The following TRAF2 variants were observed in gnomAD, a reference collection of about 807,000 sequenced individuals.
The protein encoded by TRAF2 is TNF receptor-associated factor 2.
Under a neutral mutation model 55.6 loss-of-function variants are expected in TRAF2, and 6 were observed. That is an observed-to-expected ratio of 0.11 (90% CI 0.06 to 0.21). The LOEUF (loss-of-function observed/expected upper bound fraction) is 0.21, where lower values mean the gene tolerates loss of function less well. Among genes scored for constraint, TRAF2 ranks in the 10% least tolerant of loss-of-function variants. The probability of loss-of-function intolerance (pLI) is 1.00; values close to 1 mark genes in which losing one functional copy is unlikely to be tolerated. For synonymous variants in TRAF2, 329 were observed against 276.3 expected (o/e 1.19, Z -1.89); for missense variants, 561 against 684.5 (o/e 0.82, Z 2.01).
rs943105898 is a variant in TRAF2, at chr9:136,923,925, A to G, written c.1212A>G (p.Gly404=). The part of the protein sequence containing the change: ...IYLNGDGTGR[G]THLSLFFVVM... Reference sequence around the variant, plus strand: ...TGAACGGCGACGGCACCGGGCGAGGAACACACCTGTCCCTCTTCTTTGTGG... The same window carrying G: ...TGAACGGCGACGGCACCGGGCGAGGGACACACCTGTCCCTCTTCTTTGTGG... The change falls in exon 10 of 11, where the codon GGA becomes GGG. Residue 404 remains glycine (G), a synonymous_variant. Transcript: ENST00000247668. 1 of 1,613,984 alleles carries G rather than the reference A, an allele frequency of 6.2e-7. No homozygotes were observed. Among genetic ancestry groups the G allele is most frequent in the Non-Finnish European group, 8.5e-7 (1 of 1,179,990 alleles).
rs1226277136 is a variant in TRAF2, at chr9:136,921,029, A to G, written c.961-9A>G. ...CTGTAAGAGGGAAGGTGGTCTTGGC[A>G]CCCGGCAGGTGCAGCAGCTGGAGAG... On this transcript the variant is annotated splice_polypyrimidine_tract_variant and intron_variant, in intron 8 of 10. Coordinates refer to ENST00000247668, the MANE Select transcript of TRAF2 (RefSeq NM_021138.4). The G allele has an allele frequency of 1.2e-6, 2 of 1,613,176 alleles. No individual in the cohort carries two copies. The highest frequency in any genetic ancestry group is 1.7e-6 in the Non-Finnish European group (2 of 1,179,738).
chr9:136,917,088 C>T (rs369879584), intron 7 of TRAF2, among the ~76,000 whole-genome samples: 4 of 152,196 alleles, frequency 2.6e-5, no homozygotes, highest in African/African-American at 9.7e-5. Context: ...ACAGAGGTCT[C>T]GTCTACCCTC....
chr9:136,889,055 G>A (rs1458940589), intron 1 of TRAF2, among the ~76,000 whole-genome samples: 2 of 152,090 alleles, frequency 1.3e-5, no homozygotes, highest in Non-Finnish European at 2.9e-5. Context: ...TAATGGAGAC[G>A]GGGTTTCACC....
intron 1 of TRAF2, among the ~76,000 whole-genome samples, chr9:136,890,985 C>T (rs1176243706): frequency 1.3e-5 from 2 of 152,254 alleles, no homozygotes; most frequent in Non-Finnish European, 2.9e-5. Context: ...GATCCTCCCA[C>T]CTCAGCCTCC....
At position 136,923,754 on chromosome 9, in the gene TRAF2, A is replaced by G. The variant is rs1021262548; in HGVS notation, c.1139-98A>G. 6 of 1,227,058 alleles carry G rather than the reference A, an allele frequency of 4.9e-6. No individual in the cohort carries two copies. The South Asian group carries it at 8.4e-5, about 17-fold the overall frequency. The allele number at this position is 1,227,058 out of a possible 1,614,324, so 76.0% of individuals were successfully genotyped here. On this transcript the variant is annotated intron_variant, in intron 9 of 10. Coordinates refer to ENST00000247668, the MANE Select transcript of TRAF2 (RefSeq NM_021138.4). Reference sequence around the variant, plus strand: ...CCCCAGAACCTGAATGTTTCTTTGTAGGTGTTTTTGTCCCTGGGGGAGGGC... The same window carrying G: ...CCCCAGAACCTGAATGTTTCTTTGTGGGTGTTTTTGTCCCTGGGGGAGGGC...
At chr9:136,893,392 G>C (rs1173032712) in intron 1 of TRAF2, among the ~76,000 whole-genome samples, 1 of 152,228 alleles carries the variant, frequency 6.6e-6, no homozygotes, top group Admixed American at 6.5e-5. Context: ...GCTTTGGGGG[G>C]CAGACAGGTG....
upstream of TRAF2, among the ~76,000 whole-genome samples, chr9:136,885,722 C>T (rs1361798674): frequency 6.6e-6 from 1 of 151,840 alleles, no homozygotes; most frequent in Non-Finnish European, 1.5e-5. Flanking sequence ...GAGTCGAGAT[C>T]GCGCCACTGA....
chr9:136,907,857 G>A (rs1490115992), intron 4 of TRAF2, among the ~76,000 whole-genome samples: 1 of 151,988 alleles, frequency 6.6e-6, no homozygotes, highest in Non-Finnish European at 1.5e-5. Context: ...AGCTCAGTGT[G>A]CGGTGAAGAG....
chr9:136,908,374 A>T (rs974160890), intron 5 of TRAF2, 143 bp downstream of exon 5: 2 of 966,724 alleles, frequency 2.1e-6, no homozygotes, highest in South Asian at 1.8e-5. Context: ...ACGCGGGCGG[A>T]TGTTTCTTGG....
intron 8 of TRAF2, 96 bp from the exon 9 acceptor site, chr9:136,920,942 A>G (rs559015475): frequency 6.9e-5 from 102 of 1,474,080 alleles, no homozygotes; most frequent in Middle Eastern, 2.3e-4. Context: ...GGGGTGCCCA[A>G]GAGCACTGTC....
chr9:136,901,769 C>G (rs546621796), intron 4 of TRAF2, among the ~76,000 whole-genome samples: 1 of 152,240 alleles, frequency 6.6e-6, no homozygotes, highest in African/African-American at 2.4e-5. Context: ...CCTGCTCAGC[C>G]GGACCCTGGG....
In TRAF2 at chr9:136,898,694, G is replaced by A. The variant is rs758600187; in HGVS notation, c.-28-19G>A. On this transcript the variant is annotated intron_variant, in intron 1 of 10. Transcript: ENST00000247668. ...CTGTTCTGGAATTGAGGTGTAACGT[G>A]CTGTGTGTTCTTCCTTAGGGCTTTG... 6.2e-7 allele frequency: 1 copy of A among 1,610,798 alleles called. No homozygotes were observed. The highest frequency in any genetic ancestry group is 2.2e-5 in the East Asian group (1 of 44,874).
At chr9:136,919,338 G>A (rs1588442937) in intron 7 of TRAF2, among the ~76,000 whole-genome samples, 2 of 102,928 alleles carry the variant, frequency 1.9e-5, no homozygotes, top group Non-Finnish European at 1.8e-5. Context: ...CGCTCTTGTT[G>A]CCCAGACTAG....
chr9:136,882,581 G>A, upstream of TRAF2: 1 of 817,146 alleles, frequency 1.2e-6, no homozygotes, highest in South Asian at 5.6e-5. Flanking sequence ...GGGTGCTGGG[G>A]CTTCTCCTGA....
chr9:136,902,620 C>A (rs1005252101), intron 4 of TRAF2, among the ~76,000 whole-genome samples: 1 of 152,152 alleles, frequency 6.6e-6, no homozygotes, highest in African/African-American at 2.4e-5. Context: ...TGAGAGGAGC[C>A]GGGTTTGGTC....
chr9:136,881,980 G>A (rs758081320), upstream of TRAF2: 25 of 985,390 alleles, frequency 2.5e-5, no homozygotes, highest in South Asian at 4.7e-5. Flanking sequence ...ACATGCAAAC[G>A]TCTGAAAAAG....
chr9:136,901,097 C>G (rs2131294946), intron 4 of TRAF2, among the ~76,000 whole-genome samples: 1 of 122,436 alleles, frequency 8.2e-6, no homozygotes, highest in South Asian at 2.3e-4. Flanking sequence ...GTGGTTTGTC[C>G]CTGTGTGCTG....
chr9:136,909,972 A>G lies in TRAF2; in HGVS notation c.581A>G (p.Lys194Arg). The change falls in exon 6 of 11, where the codon AAG (lysine) becomes AGG (arginine). Residue 194 changes from lysine (K) to arginine (R), a missense_variant. Coordinates refer to ENST00000247668, the MANE Select transcript of TRAF2 (RefSeq NM_021138.4). Reference sequence around the variant, plus strand: ...CCCTTAACTTGTGACGGCTGCGGCAAGAAGAAGATCCCCCGGGAGAAGGTG... The same window carrying G: ...CCCTTAACTTGTGACGGCTGCGGCAGGAAGAAGATCCCCCGGGAGAAGGTG... ...KFPLTCDGCGKKKIPREKFQD... is the reference protein window; with the variant it reads ...KFPLTCDGCGRKKIPREKFQD... The G allele has an allele frequency of 6.2e-7, 1 of 1,613,918 alleles. No homozygotes were observed.
chr9:136,925,968 C>CACTT lies in TRAF2; in HGVS notation c.*67_*68insACTT. 6.3e-7 allele frequency: 1 copy of CACTT among 1,584,282 alleles called. No individual in the cohort carries two copies. The highest frequency in any genetic ancestry group is 8.6e-7 in the Non-Finnish European group (1 of 1,157,084). ...CAGCCGGCTCACGGAGGGGCCACCA[C>CACTT]GCTGGGCCAGGGTCTCACTGTACAA... On this transcript the variant is annotated 3_prime_UTR_variant, in exon 11 of 11. Coordinates refer to ENST00000247668, the MANE Select transcript of TRAF2 (RefSeq NM_021138.4).
Sources: allele counts gnomAD v4.1 joint callset (sites outside exome capture counted in the v4.1 genomes callset), GRCh38; gene constraint gnomAD v4.1.1; transcripts MANE v1.5; gene names NCBI Gene and HGNC (gene_info 2026-07-23, HGNC 2026-07-21).